The following PPIL4 variants were observed in gnomAD, a reference collection of about 807,000 sequenced individuals.
PPIL4 encodes peptidylprolyl isomerase like 4.
PPIL4 carries 50 observed loss-of-function variants against 69.1 expected under a neutral mutation model. The ratio of observed to expected loss-of-function variants is 0.72; its 90% confidence interval spans 0.58 to 0.92. The LOEUF (loss-of-function observed/expected upper bound fraction) is 0.92. Ranked by LOEUF, PPIL4 falls within the 40% of genes least tolerant of loss-of-function variation. The pLI is 0.00. For missense variants in PPIL4, 480 were observed against 587.9 expected (o/e 0.82, Z 1.90); for synonymous variants, 193 against 191.6 (o/e 1.01, Z -0.06).
chr6:149,523,433 A>G (rs994599809), intron 9 of PPIL4, among the ~76,000 whole-genome samples: 4 of 152,202 alleles, frequency 2.6e-5, no homozygotes, highest in Non-Finnish European at 4.4e-5. Context: ...GCTCAAGCCT[A>G]TAATTCCAGC....
Position 149,517,456 on chromosome 6 carries a change from T to C in PPIL4, c.983-6A>G, listed in dbSNP as rs774565547. 4 of 1,463,884 alleles carry C rather than the reference T, an allele frequency of 2.7e-6. No homozygotes were observed. Among genetic ancestry groups the C allele is most frequent in the Non-Finnish European group, 3.7e-6 (4 of 1,080,716 alleles). The allele number at this position is 1,463,884 out of a possible 1,614,324, so 90.7% of individuals were successfully genotyped here. ...ACTCTTGGTGTATTTCCCACCTATT[T>C]ATTAAGAAAAGAAAAAAAGAGCTTA... is the stretch of plus-strand genomic sequence containing the variant. On this transcript the variant is annotated splice_region_variant and splice_polypyrimidine_tract_variant and intron_variant, in intron 10 of 12. Transcript: ENST00000253329.
chr6:149,513,187 A>G (rs1243163641), intron 11 of PPIL4, among the ~76,000 whole-genome samples: 1 of 147,620 alleles, frequency 6.8e-6, no homozygotes, highest in Non-Finnish European at 1.5e-5. Context: ...GGAGTTCGAG[A>G]CCAGCCTGGC....
chr6:149,529,979 CAAG>C (rs963969881), intron 7 of PPIL4, among the ~76,000 whole-genome samples: 2 of 151,934 alleles, frequency 1.3e-5, no homozygotes, highest in African/African-American at 4.8e-5. Flanking sequence ...CAGTAGTTGC[CAAG>C]AAGTGGGTGT....
At position 149,521,255 on chromosome 6, in the gene PPIL4, T is replaced by C. The variant is rs77468395; in HGVS notation, c.871-84A>G. 3.0e-3 allele frequency: 2,525 copies of C among 846,456 alleles called. 47 individuals carry two copies. In the African/African-American group the frequency reaches 0.039, roughly 13 times the overall value. 52.4% of individuals were successfully genotyped at this position (846,456 alleles called of 1,614,324 possible). A position where few individuals can be genotyped will look rare whatever the true frequency, so the allele number is the denominator to read the frequency against. On this transcript the variant is annotated intron_variant, in intron 9 of 12. Coordinates refer to ENST00000253329, the MANE Select transcript of PPIL4 (RefSeq NM_139126.4). The stretch of plus-strand genomic sequence containing the variant: ...GAATACTGAAAATACAAAAAGTTTG[T>C]TGTTACAAAAATTAATGTTTGAATA...
In PPIL4 at chr6:149,541,603, A is replaced by G. The variant is rs757743890; in HGVS notation, c.71-17T>C. ...TCAAGCAGGCTGAAAGAAAGTAAATACCAAATTTATCACAGTAATCCACAA... is the reference window on the plus strand; with the variant it reads ...TCAAGCAGGCTGAAAGAAAGTAAATGCCAAATTTATCACAGTAATCCACAA... On this transcript the variant is annotated splice_polypyrimidine_tract_variant and intron_variant, in intron 1 of 12. Coordinates refer to ENST00000253329, the MANE Select transcript of PPIL4 (RefSeq NM_139126.4). The G allele has an allele frequency of 9.3e-6, 13 of 1,396,862 alleles. No individual in the cohort carries two copies. Among genetic ancestry groups the G allele is most frequent in the African/African-American group, 1.4e-5 (1 of 70,766 alleles). 86.5% of individuals were successfully genotyped at this position (1,396,862 alleles called of 1,614,324 possible).
chr6:149,507,387 A>G (rs1776784948), intron 12 of PPIL4, among the ~76,000 whole-genome samples: 1 of 152,222 alleles, frequency 6.6e-6, no homozygotes, highest in Non-Finnish European at 1.5e-5. Flanking sequence ...TCCCTGAGGT[A>G]GAAAAAATGA....
chr6:149,514,432 C>T (rs1776911926), intron 11 of PPIL4, among the ~76,000 whole-genome samples: 1 of 152,166 alleles, frequency 6.6e-6, no homozygotes, highest in South Asian at 2.1e-4. Flanking sequence ...AGCAATTCTC[C>T]TGCCTCAGCC....
intron 8 of PPIL4, among the ~76,000 whole-genome samples, chr6:149,526,244 AAACT>A (rs975872991): frequency 3.3e-5 from 5 of 152,374 alleles, no homozygotes; most frequent in African/African-American, 1.2e-4. Context: ...AATGCAGGGA[AAACT>A]AACCAAAAGA....
intron 11 of PPIL4, among the ~76,000 whole-genome samples, chr6:149,516,011 C>G (rs1291768453): frequency 6.6e-6 from 1 of 152,216 alleles, no homozygotes; most frequent in East Asian, 1.9e-4. Context: ...TATCCCCTAA[C>G]AGCATTTCTC....
chr6:149,543,946 G>A (rs1226027762), intron 1 of PPIL4, among the ~76,000 whole-genome samples: 1 of 152,214 alleles, frequency 6.6e-6, no homozygotes, highest in Non-Finnish European at 1.5e-5. Flanking sequence ...AGGTAGGTAA[G>A]TCTGGATATG....
At chr6:149,508,358 A>C (rs918598065) in intron 12 of PPIL4, among the ~76,000 whole-genome samples, 2 of 152,194 alleles carry the variant, frequency 1.3e-5, no homozygotes, top group African/African-American at 4.8e-5. Context: ...TCCAGTATGA[A>C]TTTTTAAAAG....
At chr6:149,510,528 G>T (rs1176633057) in intron 12 of PPIL4, among the ~76,000 whole-genome samples, 1 of 152,196 alleles carries the variant, frequency 6.6e-6, no homozygotes, top group Non-Finnish European at 1.5e-5. Flanking sequence ...CAGATCACGA[G>T]GTCAGGAGTT....
intron 12 of PPIL4, among the ~76,000 whole-genome samples, chr6:149,508,825 G>A (rs1368567446): frequency 7.9e-5 from 12 of 152,188 alleles, no homozygotes; most frequent in Non-Finnish European, 1.6e-4. Flanking sequence ...GATTAGTAAG[G>A]CTAGTTACTC....
chr6:149,522,440 G>T (rs1468364488), intron 9 of PPIL4, among the ~76,000 whole-genome samples: 3 of 152,128 alleles, frequency 2.0e-5, no homozygotes, highest in Non-Finnish European at 2.9e-5. Context: ...TGTAACAGTG[G>T]TATATGAATA....
intron 9 of PPIL4, among the ~76,000 whole-genome samples, chr6:149,523,058 T>C (rs1222584854): frequency 6.6e-6 from 1 of 152,154 alleles, no homozygotes; most frequent in Non-Finnish European, 1.5e-5. Flanking sequence ...TACAGGAGAA[T>C]ATCCTCATGT....
intron 12 of PPIL4, among the ~76,000 whole-genome samples, chr6:149,509,256 TACTCCATGCAAA>T (rs1170841664): frequency 6.6e-6 from 1 of 152,214 alleles, no homozygotes; most frequent in East Asian, 1.9e-4. Context: ...TTGATGCTTT[TACTCCATGCAAA>T]ATGAGAAGGA....
intron 9 of PPIL4, among the ~76,000 whole-genome samples, chr6:149,521,815 T>C (rs889671421): frequency 5.9e-5 from 9 of 152,222 alleles, no homozygotes; most frequent in Admixed American, 2.0e-4. Context: ...TTTTAGATAA[T>C]GAACTGTGAG....
chr6:149,505,199 T>C lies in PPIL4; in HGVS notation c.*254A>G. 3.0e-6 allele frequency: 1 copy of C among 333,982 alleles called. No homozygotes were observed. The allele number at this position is 333,982 out of a possible 1,614,324, so 20.7% of individuals were successfully genotyped here. A position where few individuals can be genotyped will look rare whatever the true frequency, so the allele number is the denominator to read the frequency against. On this transcript the variant is annotated 3_prime_UTR_variant, in exon 13 of 13. Transcript: ENST00000253329. ...ATGAAATACTTCATTAAAAAAAGAG[T>C]GAAAATGTAAGACTTCAAAAATGAA...
chr6:149,536,994 C>T (rs1410203033), intron 4 of PPIL4, among the ~76,000 whole-genome samples: 4 of 151,882 alleles, frequency 2.6e-5, no homozygotes, highest in Non-Finnish European at 5.9e-5. Context: ...GGCATGGTGG[C>T]GTGTGCCTGT....
Sources: gnomAD v4.1 joint callset for allele counts (sites outside exome capture counted in the v4.1 genomes callset) on GRCh38, gnomAD v4.1.1 for gene constraint, MANE v1.5 for transcripts, NCBI Gene and HGNC (gene_info 2026-07-23, HGNC 2026-07-21) for gene names.